The following TLK1 variants were observed in gnomAD, a reference collection of about 807,000 sequenced individuals.
The protein encoded by TLK1 is serine/threonine-protein kinase tousled-like 1.
Under a neutral mutation model 105.3 loss-of-function variants are expected in TLK1, and 24 were observed. The ratio of observed to expected loss-of-function variants is 0.23; its 90% CI spans 0.17 to 0.32. TLK1 has a LOEUF of 0.32. TLK1 is among the 10% of genes least tolerant of loss of function. The pLI, the probability that TLK1 is intolerant of heterozygous loss-of-function variation, is 1.00. For synonymous variants in TLK1, 321 were observed against 310.4 expected, an observed-to-expected ratio of 1.03 and a Z score of -0.36; for missense variants, 558 against 910.5, an observed-to-expected ratio of 0.61 and a Z score of 4.98.
chr2:171,137,222 C>T (rs1575620805), intron 1 of TLK1, among the ~76,000 whole-genome samples: 1 of 151,722 alleles, frequency 6.6e-6, no homozygotes, highest in South Asian at 2.1e-4. Context: ...GTCAAGGCTG[C>T]AATGAGCTGA....
chr2:171,116,221 T>A (rs1690418901), intron 2 of TLK1, among the ~76,000 whole-genome samples: 1 of 152,108 alleles, frequency 6.6e-6, no homozygotes, highest in Non-Finnish European at 1.5e-5. Context: ...ATGAACAAAG[T>A]AAGAGACATA....
chr2:171,049,679 C>T, intron 10 of TLK1, 135 bp downstream of exon 10: 1 of 1,042,204 alleles, frequency 9.6e-7, no homozygotes, highest in Admixed American at 2.7e-5. Flanking sequence ...GGTTTCATAT[C>T]CCTTTCAAAG....
intron 1 of TLK1, among the ~76,000 whole-genome samples, chr2:171,203,350 T>C (rs1325211370): frequency 6.6e-6 from 1 of 152,188 alleles, no homozygotes; most frequent in Non-Finnish European, 1.5e-5. Context: ...CAGCTCTCCA[T>C]ACCCTTTATC....
rs896461311 is a variant in TLK1, at chr2:171,055,030, T to C, written c.639+53A>G. The C allele has an allele frequency of 1.8e-5, 18 of 1,026,824 alleles. No homozygotes were observed. The East Asian group carries it at 4.9e-4, about 28-fold the overall frequency. 63.6% of individuals were successfully genotyped at this position (1,026,824 alleles called of 1,614,324 possible). On this transcript the variant is annotated intron_variant, in intron 7 of 20. Coordinates refer to ENST00000431350, the MANE Select transcript of TLK1 (RefSeq NM_012290.5). ...ACAGACATCTTAGTTGTTAGTAAGT[T>C]AGTCAATGGTTTCTTAGAAGCCATA...
intron 1 of TLK1, among the ~76,000 whole-genome samples, chr2:171,123,055 A>C (rs141218731): frequency 4.3e-4 from 34 of 79,256 alleles, no homozygotes; most frequent in East Asian, 1.4e-3. Flanking sequence ...TAAATAAATA[A>C]ATACACACAC....
intron 12 of TLK1, among the ~76,000 whole-genome samples, chr2:171,016,036 C>A (rs1381445969): frequency 6.6e-6 from 1 of 152,040 alleles, no homozygotes; most frequent in Non-Finnish European, 1.5e-5. Flanking sequence ...TGAGATCGTG[C>A]CACTGCACTT....
chr2:171,081,712 T>C, intron 3 of TLK1: 8 of 1,304,226 alleles, frequency 6.1e-6, no homozygotes, highest in Non-Finnish European at 8.1e-6. Context: ...GTTGTTTCTG[T>C]GGAAGGGAAA....
At chr2:171,158,020 T>C (rs1002794304) in intron 1 of TLK1, among the ~76,000 whole-genome samples, 1 of 152,226 alleles carries the variant, frequency 6.6e-6, no homozygotes, top group African/African-American at 2.4e-5. Flanking sequence ...TGTACTAACA[T>C]GTATACCTGG....
intron 7 of TLK1, chr2:171,054,392 T>C (rs945964630): frequency 6.6e-6 from 1 of 152,316 alleles, no homozygotes; most frequent in African/African-American, 2.4e-5. Context: ...TAAAATTTTA[T>C]GTCCTTTGAC....
intron 1 of TLK1, among the ~76,000 whole-genome samples, chr2:171,189,948 AG>A (rs113041442): frequency 0.082 from 12,438 of 151,206 alleles, 1,031 homozygotes; most frequent in East Asian, 0.29. Context: ...AGAAAAGAAA[AG>A]AAAAAAGGGC....
At chr2:171,140,685 T>C (rs1038634111) in intron 1 of TLK1, among the ~76,000 whole-genome samples, 3 of 152,248 alleles carry the variant, frequency 2.0e-5, no homozygotes, top group Admixed American at 6.5e-5. Context: ...TTTTATGTCA[T>C]GGAAGACTAC....
At chr2:171,066,813 A>T in intron 3 of TLK1, 1 of 1,548,700 alleles carries the variant, frequency 6.5e-7, no homozygotes, top group Non-Finnish European at 8.7e-7. Flanking sequence ...ATTAGAATAA[A>T]GTTGAACTTT....
At chr2:171,080,047 ACTGT>A (rs1450708152) in intron 3 of TLK1, among the ~76,000 whole-genome samples, 1 of 151,950 alleles carries the variant, frequency 6.6e-6, no homozygotes, top group South Asian at 2.1e-4. Flanking sequence ...AAAGTAATAA[ACTGT>A]CTGGGCACGG....
intron 1 of TLK1, among the ~76,000 whole-genome samples, chr2:171,230,818 A>G (rs1693982834): frequency 6.6e-6 from 1 of 152,206 alleles, no homozygotes; most frequent in South Asian, 2.1e-4. Flanking sequence ...AAAAGCCAAG[A>G]CGCTAGCAAC....
chr2:171,134,474 A>C (rs942270081), intron 1 of TLK1, among the ~76,000 whole-genome samples: 3 of 152,170 alleles, frequency 2.0e-5, no homozygotes, highest in Non-Finnish European at 4.4e-5. Flanking sequence ...TTGGGCAAAG[A>C]ATCTGAACAG....
intron 1 of TLK1, chr2:171,155,795 C>A (rs1332064085): frequency 1.3e-5 from 2 of 152,136 alleles, no homozygotes; most frequent in African/African-American, 4.8e-5. Context: ...AGTTGTCATA[C>A]AGTTCTTACA....
intron 1 of TLK1, among the ~76,000 whole-genome samples, chr2:171,134,978 C>T (rs1691248191): frequency 6.6e-6 from 1 of 151,946 alleles, no homozygotes; most frequent in South Asian, 2.1e-4. Flanking sequence ...TAAAATAAGC[C>T]AGGCACAGAA....
chr2:171,126,774 T>C (rs1210822348), intron 1 of TLK1, among the ~76,000 whole-genome samples: 1 of 151,934 alleles, frequency 6.6e-6, no homozygotes, highest in Non-Finnish European at 1.5e-5. Flanking sequence ...CTTTTCATAT[T>C]ACACTTGATA....
At chr2:171,121,668 T>C (rs1047236095) in intron 1 of TLK1, among the ~76,000 whole-genome samples, 9 of 152,236 alleles carry the variant, frequency 5.9e-5, no homozygotes, top group African/African-American at 2.2e-4. Flanking sequence ...AGCATGTATG[T>C]GCTATATACT....
Sources: allele counts gnomAD v4.1 joint callset (sites outside exome capture counted in the v4.1 genomes callset), GRCh38; gene constraint gnomAD v4.1.1; transcripts MANE v1.5; gene names NCBI Gene and HGNC (gene_info 2026-07-23, HGNC 2026-07-21).